ERC1: variants seen among roughly 807,000 people sequenced by gnomAD.
ERC1 encodes ELKS/RAB6-interacting/CAST family member 1, also known as RAB6 interacting protein 2.
In ERC1, 56 loss-of-function variants were observed where a neutral mutation model predicts 132.0. The ratio of observed to expected loss-of-function variants is 0.42; its 90% CI spans 0.34 to 0.53. ERC1 has a LOEUF of 0.53. Ranked by LOEUF, ERC1 falls within the 20% of genes least tolerant of loss-of-function variation. ERC1 has a pLI of 0.03. For missense variants in ERC1, 1,202 were observed against 1,349.9 expected, an observed-to-expected ratio of 0.89 and a Z score of 1.72; for synonymous variants, 478 against 476.1, an observed-to-expected ratio of 1.00 and a Z score of -0.05.
intron 8 of ERC1, among the ~76,000 whole-genome samples, chr12:1,147,265 A>G (rs78962633): frequency 0.024 from 3,664 of 152,280 alleles, 148 homozygotes; most frequent in African/African-American, 0.082. Flanking sequence ...TGGCTTTGTC[A>G]TAGATGGCTT....
At chr12:1,265,977 G>A (rs1044876007) in intron 14 of ERC1, among the ~76,000 whole-genome samples, 3 of 152,176 alleles carry the variant, frequency 2.0e-5, no homozygotes, top group Admixed American at 6.5e-5. Flanking sequence ...GTACCATTCA[G>A]TTTTTGGCAC....
intron 17 of ERC1, chr12:1,410,599 T>G: frequency 6.9e-6 from 2 of 291,172 alleles, no homozygotes; most frequent in East Asian, 9.5e-5. Flanking sequence ...GTGATTCTTG[T>G]GTGTGTTGCT....
chr12:1,259,347 A>C (rs1335336077), intron 13 of ERC1, among the ~76,000 whole-genome samples: 1 of 152,050 alleles, frequency 6.6e-6, no homozygotes, highest in African/African-American at 2.4e-5. Context: ...TAGTGTTTTT[A>C]CACAAACCAA....
At chr12:1,093,957 C>CTATATATATATATATATATATTTTTCTA (rs1943621742) in intron 3 of ERC1, among the ~76,000 whole-genome samples, 1 of 68,910 alleles carries the variant, frequency 1.5e-5, no homozygotes, top group African/African-American at 4.6e-5. Flanking sequence ...ATATATTTTT[C>CTATATATATATATATATATATTTTTCTA]TATATATATA....
intron 18 of ERC1, among the ~76,000 whole-genome samples, chr12:1,472,080 G>C (rs1359386445): frequency 6.6e-6 from 1 of 152,206 alleles, no homozygotes; most frequent in African/African-American, 2.4e-5. Flanking sequence ...CCTGTTTTGG[G>C]TGTAGCATTT....
intron 15 of ERC1, among the ~76,000 whole-genome samples, chr12:1,305,910 AAAC>A (rs2080849492): frequency 6.6e-6 from 1 of 151,516 alleles, no homozygotes; most frequent in Non-Finnish European, 1.5e-5. Flanking sequence ...CAGCTCTCTT[AAAC>A]AACAGTTTTC....
chr12:1,056,936 T>C (rs914832916), intron 2 of ERC1, among the ~76,000 whole-genome samples: 12 of 152,206 alleles, frequency 7.9e-5, no homozygotes, highest in African/African-American at 2.7e-4. Context: ...GTAAATAATT[T>C]CTTTCTACCT....
chr12:1,468,144 CT>C (rs1431036182), intron 18 of ERC1, among the ~76,000 whole-genome samples: 1 of 151,860 alleles, frequency 6.6e-6, no homozygotes, highest in African/African-American at 2.4e-5. Context: ...CCAAAAAATA[CT>C]TACTTCTAAA....
At position 1,453,396 on chromosome 12, in the gene ERC1, G is replaced by A. The variant is rs562298257; in HGVS notation, c.3213+8646G>A. Among the ~76,000 whole-genome samples the A allele has an allele frequency of 2.0e-5, 3 of 152,320 alleles. No homozygotes were observed. The South Asian group carries it at 6.2e-4, about 32-fold the overall frequency. On this transcript the variant is annotated intron_variant, in intron 18 of 18. Coordinates refer to ENST00000360905, the MANE Select transcript of ERC1 (RefSeq NM_178040.4). ...CCAATTCTCTAGCCTAGGAATAGAG[G>A]CCATGAAGGTTGCTGCCCTACCCCC... is the stretch of plus-strand genomic sequence containing the variant.
upstream of ERC1, among the ~76,000 whole-genome samples, chr12:990,851 T>C (rs1388824688): frequency 2.0e-5 from 3 of 151,244 alleles, no homozygotes; most frequent in Non-Finnish European, 4.4e-5. Flanking sequence ...AGCGTCCACT[T>C]CCTACGGCAA....
intron 18 of ERC1, among the ~76,000 whole-genome samples, chr12:1,485,869 T>TTA (rs2094207481): frequency 6.6e-6 from 1 of 152,230 alleles, no homozygotes. Context: ...CATCCCAAGA[T>TTA]TATAAAAAAT....
At chr12:1,138,148 T>A (rs1378967398) in intron 7 of ERC1, among the ~76,000 whole-genome samples, 23 of 77,136 alleles carry the variant, frequency 3.0e-4, no homozygotes, top group Admixed American at 8.2e-4. Context: ...ATAATTATAT[T>A]TATTTACATA....
At chr12:1,337,722 T>A (rs946551198) in intron 15 of ERC1, among the ~76,000 whole-genome samples, 8 of 152,252 alleles carry the variant, frequency 5.3e-5, no homozygotes, top group Non-Finnish European at 1.2e-4. Flanking sequence ...GGAGCTCTTG[T>A]AAGGCAGGTT....
At position 1,378,127 on chromosome 12, in the gene ERC1, T is replaced by A. The variant is rs1042910083; in HGVS notation, c.2925+6150T>A. Among the ~76,000 whole-genome samples the A allele has an allele frequency of 1.2e-4, 18 of 152,336 alleles. 1 individual carries two copies. Among genetic ancestry groups the A allele is most frequent in the African/African-American group, 4.3e-4 (18 of 41,570 alleles). ...TTGTTTTGTATATGAAAAATGTGAT[T>A]TGTTCTCATTTACTAAAATTTGGGA... is the stretch of plus-strand genomic sequence containing the variant. On this transcript the variant is annotated intron_variant, in intron 16 of 18. Coordinates refer to ENST00000360905, the MANE Select transcript of ERC1 (RefSeq NM_178040.4).
At chr12:1,395,724 A>G (rs898774229) in intron 16 of ERC1, among the ~76,000 whole-genome samples, 20 of 152,206 alleles carry the variant, frequency 1.3e-4, no homozygotes, top group African/African-American at 4.3e-4. Context: ...GATTACAAAA[A>G]CGGTCATGAT....
Position 1,268,015 on chromosome 12 carries a change from A to G in ERC1, c.2619+4850A>G, listed in dbSNP as rs2077582957. Among the ~76,000 whole-genome samples, 5 of 152,154 alleles carry G rather than the reference A, an allele frequency of 3.3e-5. No individual in the cohort carries two copies. In the South Asian group the frequency reaches 1.0e-3, roughly 31 times the overall value. On this transcript the variant is annotated intron_variant, in intron 14 of 18. Coordinates refer to ENST00000360905, the MANE Select transcript of ERC1 (RefSeq NM_178040.4). ...TTTTTTTGTTGTTGTTAATGTATAA[A>G]GTTCTTCATTGGCTGAAAATCTCCT...
In ERC1 at chr12:1,232,906, AC is replaced by A. The variant is rs1188066392; in HGVS notation, c.2352-3862del. 1.7e-4 allele frequency among the ~76,000 whole-genome samples: 26 copies of A among 152,264 alleles called. No individual in the cohort carries two copies. In the South Asian group the frequency reaches 2.5e-3, roughly 15 times the overall value. ...GAATACATGGAAAAATAAAAAAAAA[AC>A]AATAGAAAAATAATTAGAATTAGCA... On this transcript the variant is annotated intron_variant, in intron 12 of 18. Coordinates refer to ENST00000360905, the MANE Select transcript of ERC1 (RefSeq NM_178040.4).
At chr12:1,003,116 ACT>A (rs148695923) in intron 1 of ERC1, among the ~76,000 whole-genome samples, 20,456 of 122,708 alleles carry the variant, frequency 0.17, 1,949 homozygotes, top group Non-Finnish European at 0.22. Flanking sequence ...AAAAAAAAAG[ACT>A]CAAAAAAAAA....
At chr12:1,152,485 A>AC (rs1950927208) in intron 8 of ERC1, 1 of 152,816 alleles carries the variant, frequency 6.5e-6, no homozygotes, top group South Asian at 2.1e-4. Flanking sequence ...AGCTGTGATG[A>AC]CCTGGGCAGT....
Sources: gnomAD v4.1 joint callset for allele counts (sites outside exome capture counted in the v4.1 genomes callset) on GRCh38, gnomAD v4.1.1 for gene constraint, MANE v1.5 for transcripts, NCBI Gene and HGNC (gene_info 2026-07-23, HGNC 2026-07-21) for gene names.